Variants in ADGRA3 observed in about 807,000 individuals in gnomAD.
ADGRA3 encodes the protein G-protein coupled receptor 125.
In ADGRA3, 56 loss-of-function variants were observed where a neutral mutation model predicts 119.8. The observed-to-expected ratio is 0.47, with a 90% CI of 0.38 to 0.58. The LOEUF (loss-of-function observed/expected upper bound fraction) is 0.58. Ranked by LOEUF, ADGRA3 falls within the 20% of genes least tolerant of loss-of-function variation. The pLI is 0.00. For synonymous variants in ADGRA3, 607 were observed against 623.8 expected, an observed-to-expected ratio of 0.97 and a Z score of 0.40; for missense variants, 1,516 against 1,649.0, an observed-to-expected ratio of 0.92 and a Z score of 1.40.
In ADGRA3 at chr4:22,442,698, C is replaced by A. The variant is rs758909833; in HGVS notation, c.872G>T (p.Gly291Val). Reference sequence around the variant, plus strand: ...AATCATGTTCTTTTCAACAAAAATACCTTGCGATTCATCGGTTTCAACTAT... The same window carrying A: ...AATCATGTTCTTTTCAACAAAAATAACTTGCGATTCATCGGTTTCAACTAT... ...GRIVETDESQ[G>V]IFVEKNMIHN... The change falls in exon 7 of 19, where the codon GGT becomes GTT. Residue 291 changes from glycine (G) to valine (V), a missense_variant. Coordinates refer to ENST00000334304, the MANE Select transcript of ADGRA3 (RefSeq NM_145290.4). 1 of 1,613,256 alleles carries A rather than the reference C, an allele frequency of 6.2e-7. No homozygotes were observed. Among genetic ancestry groups the A allele is most frequent in the East Asian group, 2.2e-5 (1 of 44,820 alleles).
At position 22,400,856 on chromosome 4, in the gene ADGRA3, T is replaced by C. The variant is rs199500331; in HGVS notation, c.2481+575A>G. Among the ~76,000 whole-genome samples, 4 of 152,186 alleles carry C rather than the reference T, an allele frequency of 2.6e-5. No homozygotes were observed. In the East Asian group the frequency reaches 7.7e-4, roughly 29 times the overall value. The stretch of plus-strand genomic sequence containing the variant: ...CTTGCTATCATGCATGTGAAAAAAA[T>C]ATACAAACAAAGAAATAAAATGTTA... On this transcript the variant is annotated intron_variant, in intron 16 of 18. Coordinates refer to ENST00000334304, the MANE Select transcript of ADGRA3 (RefSeq NM_145290.4).
intron 10 of ADGRA3, 106 bp from the exon 11 acceptor site, chr4:22,424,458 T>C: frequency 8.1e-7 from 1 of 1,234,912 alleles, no homozygotes; most frequent in Non-Finnish European, 1.1e-6. Flanking sequence ...AGTCTCAAAT[T>C]CCACATGAGA....
intron 1 of ADGRA3, among the ~76,000 whole-genome samples, chr4:22,497,017 CA>C (rs1718852551): frequency 6.6e-6 from 1 of 152,234 alleles, no homozygotes; most frequent in African/African-American, 2.4e-5. Context: ...CAGAAACCAT[CA>C]AAGGCAACTA....
chr4:22,515,562 G>A lies in ADGRA3; in HGVS notation c.223C>T (p.Pro75Ser), dbSNP rs374728383. 3.7e-5 allele frequency: 59 copies of A among 1,604,204 alleles called. No individual in the cohort carries two copies. Among genetic ancestry groups the A allele is most frequent in the Non-Finnish European group, 5.0e-5 (59 of 1,175,600 alleles). The change falls in exon 1 of 19, where the codon CCC (proline) becomes TCC (serine). Residue 75 changes from proline (P) to serine (S), a missense_variant. This residue lies in a region of ADGRA3 where 428 missense variants were observed against 541.9 expected (regional missense o/e 0.79). Coordinates refer to ENST00000334304, the MANE Select transcript of ADGRA3 (RefSeq NM_145290.4). ...CSSLELAQVL[P>S]PDTLPNRTVT... ...GTGCGGTTGGGCAGAGTATCTGGGG[G>A]CAGGACCTGCGCGAGTTCCAGGCTG...
chr4:22,483,378 A>C (rs958451317), intron 1 of ADGRA3, among the ~76,000 whole-genome samples: 2 of 152,166 alleles, frequency 1.3e-5, no homozygotes, highest in Non-Finnish European at 2.9e-5. Context: ...TTCCCTGAGG[A>C]CATAATGACA....
chr4:22,396,015 G>T (rs757297072), intron 16 of ADGRA3, among the ~76,000 whole-genome samples: 3 of 152,084 alleles, frequency 2.0e-5, no homozygotes, highest in African/African-American at 7.2e-5. Flanking sequence ...GAGCAACAAG[G>T]TATCTTAGAT....
chr4:22,437,803 T>C (rs1208361818), intron 8 of ADGRA3, among the ~76,000 whole-genome samples: 1 of 152,138 alleles, frequency 6.6e-6, no homozygotes, highest in Admixed American at 6.5e-5. Flanking sequence ...GGGAGAAAAT[T>C]AGATAGGTGT....
At chr4:22,412,982 C>A (rs1022149091) in intron 14 of ADGRA3, among the ~76,000 whole-genome samples, 200 bp downstream of exon 14, 1 of 151,268 alleles carries the variant, frequency 6.6e-6, no homozygotes, top group Admixed American at 6.6e-5. Context: ...CAATCCCATA[C>A]ATTTCACTTG....
chr4:22,460,769 T>G (rs554642999), intron 3 of ADGRA3, among the ~76,000 whole-genome samples: 7 of 152,216 alleles, frequency 4.6e-5, no homozygotes, highest in African/African-American at 1.4e-4. Context: ...ATTAGAAGGG[T>G]AGAGGGAAAA....
intron 16 of ADGRA3, chr4:22,395,001 A>G (rs1364512075): frequency 6.6e-6 from 1 of 152,194 alleles, no homozygotes; most frequent in Non-Finnish European, 1.5e-5. Context: ...TCTCCATCTC[A>G]CACTTTGTCT....
intron 6 of ADGRA3, among the ~76,000 whole-genome samples, chr4:22,444,236 C>A (rs1005060593): frequency 6.6e-6 from 1 of 152,052 alleles, no homozygotes; most frequent in African/African-American, 2.4e-5. Context: ...CAAAGCTGAT[C>A]ATTTCCTAAG....
intron 5 of ADGRA3, among the ~76,000 whole-genome samples, chr4:22,447,110 G>A (rs1008584704): frequency 1.3e-5 from 2 of 151,794 alleles, no homozygotes; most frequent in African/African-American, 2.4e-5. Context: ...TCATAGGAAG[G>A]GTTATTTTAT....
intron 17 of ADGRA3, among the ~76,000 whole-genome samples, chr4:22,389,412 A>G (rs1022621414): frequency 6.6e-6 from 1 of 152,028 alleles, no homozygotes; most frequent in African/African-American, 2.4e-5. Context: ...GTTTCTGAGT[A>G]GAGGAAAGCT....
At chr4:22,479,229 C>T (rs1348282198) in intron 1 of ADGRA3, among the ~76,000 whole-genome samples, 3 of 152,014 alleles carry the variant, frequency 2.0e-5, no homozygotes, top group East Asian at 1.9e-4. Context: ...TTTGGGAGGC[C>T]GAGGCGGGCG....
At chr4:22,490,121 G>A (rs1295249829) in intron 1 of ADGRA3, among the ~76,000 whole-genome samples, 1 of 152,072 alleles carries the variant, frequency 6.6e-6, no homozygotes, top group Non-Finnish European at 1.5e-5. Flanking sequence ...AAATAAAAAG[G>A]AAATAACCTA....
chr4:22,442,119 G>C (rs13145061), intron 7 of ADGRA3, among the ~76,000 whole-genome samples: 6,227 of 152,138 alleles, frequency 0.041, 223 homozygotes, highest in East Asian at 0.21. Flanking sequence ...AAAATATCTG[G>C]TAAGTGATAA....
chr4:22,494,351 G>C (rs151322386), intron 1 of ADGRA3, among the ~76,000 whole-genome samples: 2,392 of 152,016 alleles, frequency 0.016, 97 homozygotes, highest in African/African-American at 0.054. Context: ...TCCATCCCTT[G>C]TTTAGCATAT....
rs144116089 is a variant in ADGRA3 at position 22,492,696 on chromosome 4, AC to A, written c.258-18854del. On this transcript the variant is annotated intron_variant, in intron 1 of 18. Transcript: ENST00000334304. ...TCTCTTTTAAAGAGTGTGGTAAATG[AC>A]ATTCTCACTGAAAAGATGGCTTTTT... Among the ~76,000 whole-genome samples the A allele has an allele frequency of 9.1e-3, 1,384 of 152,322 alleles. 37 individuals carry two copies. Among genetic ancestry groups the A allele is most frequent in the East Asian group, 0.05 (257 of 5,178 alleles).
chr4:22,478,816 T>C (rs1577372964), intron 1 of ADGRA3, among the ~76,000 whole-genome samples: 1 of 151,702 alleles, frequency 6.6e-6, no homozygotes, highest in Non-Finnish European at 1.5e-5. Flanking sequence ...GACAGAAGTT[T>C]AAGAAAAGCA....
Sources: gnomAD v4.1 joint callset for allele counts (sites outside exome capture counted in the v4.1 genomes callset) on GRCh38, gnomAD v4.1.1 for gene constraint, gnomAD v4.1.1 regional missense constraint, MANE v1.5 for transcripts, NCBI Gene and HGNC (gene_info 2026-07-23, HGNC 2026-07-21) for gene names.